Variants in COL11A1 observed in about 807,000 individuals in gnomAD.
COL11A1 encodes the protein collagen type XI alpha 1 chain.
In COL11A1, 74 loss-of-function variants were observed where a neutral mutation model predicts 265.2. The ratio of observed to expected loss-of-function variants is 0.28; its 90% CI spans 0.23 to 0.34. The LOEUF is 0.34. Among genes scored for constraint, COL11A1 ranks in the 10% least tolerant of loss-of-function variants. The pLI, the probability that COL11A1 is intolerant of heterozygous loss-of-function variation, is 1.00. For synonymous variants in COL11A1, 816 were observed against 727.6 expected, an observed-to-expected ratio of 1.12 and a Z score of -1.96; for missense variants, 2,165 against 2,263.6, an observed-to-expected ratio of 0.96 and a Z score of 0.88.
At chr1:103,080,824 C>A (rs12116792) in intron 2 of COL11A1, among the ~76,000 whole-genome samples, 23,097 of 151,692 alleles carry the variant, frequency 0.15, 1,883 homozygotes, top group Non-Finnish European at 0.16. Flanking sequence ...AAAGGAAATG[C>A]AATCAGTATG....
chr1:102,878,532 T>A (rs1199542686), intron 66 of COL11A1, among the ~76,000 whole-genome samples: 4 of 140,630 alleles, frequency 2.8e-5, no homozygotes, highest in Non-Finnish European at 4.6e-5. Flanking sequence ...TTTTTTTTTT[T>A]TGAGATGAAG....
In COL11A1 at chr1:102,997,118, G is replaced by C. The variant is rs752066122; in HGVS notation, c.2203C>G (p.Pro735Ala). The C allele has an allele frequency of 6.2e-6, 10 of 1,611,464 alleles. No homozygotes were observed. In the Admixed American group the frequency reaches 1.7e-4, roughly 27 times the overall value. ...LPGADGPPGH[P>A]GKEGQSGEKG... ...TCTCCAGACTGGCCTTCTTTCCCAG[G>C]ATGACCCTATATTTAGCAAAAACAT... The change falls in exon 26 of 67, where the codon CCT becomes GCT. Residue 735 changes from proline to alanine, a missense_variant. By Grantham distance (27) the Pro-to-Ala change is conservative. Transcript: ENST00000370096.
chr1:102,975,491 T>G (rs1001299110), intron 35 of COL11A1, among the ~76,000 whole-genome samples: 2 of 152,132 alleles, frequency 1.3e-5, no homozygotes, highest in African/African-American at 4.8e-5. Context: ...ATAACTTTAT[T>G]GTGTAGTTAT....
chr1:102,978,196 G>T (rs1367017035), intron 35 of COL11A1, among the ~76,000 whole-genome samples: 1 of 152,064 alleles, frequency 6.6e-6, no homozygotes, highest in Non-Finnish European at 1.5e-5. Flanking sequence ...TTGTTCATAT[G>T]TATTTGGCTA....
At chr1:102,950,603 C>T (rs1371534196) in intron 41 of COL11A1, among the ~76,000 whole-genome samples, 3 of 152,182 alleles carry the variant, frequency 2.0e-5, no homozygotes, top group Non-Finnish European at 4.4e-5. Context: ...TAAAATATTA[C>T]ATCTCTCACT....
Position 103,108,359 on chromosome 1 carries a change from G to A in COL11A1, c.-181C>T. On this transcript the variant is annotated 5_prime_UTR_variant, in exon 1 of 67. Transcript: ENST00000370096. Reference sequence around the variant, plus strand: ...ATGGTTTGCGTTCTTCGTGTCTCTAGCCCTTTCCTCTCCCTCTGAGTTGGC... The same window carrying A: ...ATGGTTTGCGTTCTTCGTGTCTCTAACCCTTTCCTCTCCCTCTGAGTTGGC... 3 of 655,284 alleles carry A rather than the reference G, an allele frequency of 4.6e-6. No homozygotes were observed. The highest frequency in any genetic ancestry group is 8.3e-6 in the Non-Finnish European group (3 of 362,766). 40.6% of individuals were successfully genotyped at this position (655,284 alleles called of 1,614,324 possible).
At chr1:102,919,373 A>G (rs1451317871) in intron 49 of COL11A1, among the ~76,000 whole-genome samples, 9 of 151,716 alleles carry the variant, frequency 5.9e-5, no homozygotes, top group Admixed American at 2.0e-4. Flanking sequence ...TTTTTCTGAG[A>G]ATTAAATGCT....
intron 41 of COL11A1, among the ~76,000 whole-genome samples, chr1:102,958,562 G>T (rs1043079566): frequency 6.6e-6 from 1 of 151,968 alleles, no homozygotes; most frequent in Non-Finnish European, 1.5e-5. Flanking sequence ...TCATCATCAT[G>T]CACCGCTTCA....
chr1:102,934,200 A>C (rs1169285614), intron 46 of COL11A1, among the ~76,000 whole-genome samples: 1 of 152,100 alleles, frequency 6.6e-6, no homozygotes, highest in Non-Finnish European at 1.5e-5. Context: ...TGTAATAATT[A>C]AGGTGGGTCT....
intron 32 of COL11A1, 103 bp from the exon 33 acceptor site, chr1:102,979,207 T>C: frequency 7.8e-7 from 1 of 1,289,342 alleles, no homozygotes; most frequent in African/African-American, 1.4e-5. Flanking sequence ...ATTCATTCAT[T>C]CATTCGTATT....
chr1:102,898,888 C>T, intron 55 of COL11A1, 53 bp downstream of exon 55: 2 of 1,157,556 alleles, frequency 1.7e-6, no homozygotes, highest in Non-Finnish European at 1.2e-6. Flanking sequence ...AAATATAATA[C>T]CTTGTATATA....
chr1:102,966,974 C>G (rs1441303328), intron 37 of COL11A1, among the ~76,000 whole-genome samples: 1 of 152,052 alleles, frequency 6.6e-6, no homozygotes, highest in Non-Finnish European at 1.5e-5. Flanking sequence ...CTTCTATGTT[C>G]TTCCCCTTTT....
chr1:102,968,335 G>C (rs939592023), intron 37 of COL11A1, among the ~76,000 whole-genome samples: 1 of 152,056 alleles, frequency 6.6e-6, no homozygotes, highest in Non-Finnish European at 1.5e-5. Flanking sequence ...GCCAATTTTA[G>C]GACCAATACA....
At chr1:103,039,165 C>T (rs180812372) in intron 4 of COL11A1, among the ~76,000 whole-genome samples, 385 of 152,274 alleles carry the variant, frequency 2.5e-3, no homozygotes, top group South Asian at 4.4e-3. Flanking sequence ...TGTATCTCTC[C>T]TATACCTGCA....
rs560106549 is a variant in COL11A1 at position 102,912,966 on chromosome 1, A to T, written c.4032+671T>A. On this transcript the variant is annotated intron_variant, in intron 53 of 66. Coordinates refer to ENST00000370096, the MANE Select transcript of COL11A1 (RefSeq NM_001854.4). ...ATTAAACCTCTTTCCATTATAAATT[A>T]CCCATTCTTGTGTACCTCACAGCAG... 2.6e-5 allele frequency among the ~76,000 whole-genome samples: 4 copies of T among 152,282 alleles called. No homozygotes were observed. In the South Asian group the frequency reaches 6.2e-4, roughly 24 times the overall value.
chr1:103,058,191 AT>A (rs1312896365), intron 4 of COL11A1, among the ~76,000 whole-genome samples: 4 of 152,104 alleles, frequency 2.6e-5, no homozygotes, highest in Non-Finnish European at 5.9e-5. Flanking sequence ...AAGACAACTT[AT>A]TTTCTTAAAC....
intron 26 of COL11A1, 80 bp from the exon 27 acceptor site, chr1:102,996,122 A>T (rs1664601858): frequency 1.4e-6 from 2 of 1,394,192 alleles, no homozygotes; most frequent in Admixed American, 1.8e-5. Flanking sequence ...TTACCAACTA[A>T]TCTACAAGGA....
At chr1:103,080,105 C>T (rs995755227) in intron 2 of COL11A1, among the ~76,000 whole-genome samples, 2 of 151,750 alleles carry the variant, frequency 1.3e-5, no homozygotes, top group African/African-American at 2.4e-5. Context: ...GTAATAGAAT[C>T]GTATGCAGCC....
At chr1:102,976,385 G>A (rs539302235) in intron 35 of COL11A1, among the ~76,000 whole-genome samples, 6 of 127,990 alleles carry the variant, frequency 4.7e-5, no homozygotes, top group South Asian at 5.5e-4. Context: ...TGCAACCTCC[G>A]CCTCCTGGGT....
Sources: gnomAD v4.1 joint callset for allele counts (sites outside exome capture counted in the v4.1 genomes callset) on GRCh38, gnomAD v4.1.1 for gene constraint, MANE v1.5 for transcripts, NCBI Gene and HGNC (gene_info 2026-07-23, HGNC 2026-07-21) for gene names.